Variants in RHBDL3 observed in about 807,000 individuals in gnomAD.
RHBDL3 encodes rhomboid-related protein 3.
In RHBDL3, 28 loss-of-function variants were observed where a neutral mutation model predicts 48.2. The ratio of observed to expected loss-of-function variants is 0.58; its 90% CI spans 0.43 to 0.80. The LOEUF (loss-of-function observed/expected upper bound fraction) is 0.80. RHBDL3 is among the 30% of genes least tolerant of loss of function. The pLI, the probability that RHBDL3 is intolerant of heterozygous loss-of-function variation, is 0.00. For missense variants in RHBDL3, 464 were observed against 542.7 expected, an observed-to-expected ratio of 0.85 and a Z score of 1.44; for synonymous variants, 208 against 232.3, an observed-to-expected ratio of 0.90 and a Z score of 0.95.
intron 7 of RHBDL3, among the ~76,000 whole-genome samples, chr17:32,315,038 T>C (rs2040938225): frequency 1.3e-5 from 2 of 152,254 alleles, no homozygotes. Context: ...GGGCAAGAAC[T>C]GAAGGCTGTG....
At chr17:32,285,451 C>T (rs918460439) in intron 3 of RHBDL3, among the ~76,000 whole-genome samples, 1 of 152,072 alleles carries the variant, frequency 6.6e-6, no homozygotes, top group Non-Finnish European at 1.5e-5. Flanking sequence ...CTCAGCATAT[C>T]TGCTCAGCCG....
chr17:32,284,513 G>A (rs1231826315), intron 2 of RHBDL3, 146 bp from the exon 3 acceptor site: 8 of 676,522 alleles, frequency 1.2e-5, no homozygotes, highest in Non-Finnish European at 2.0e-5. Flanking sequence ...TTCCCAGGGG[G>A]GTCCTTGGAA....
intron 6 of RHBDL3, among the ~76,000 whole-genome samples, chr17:32,301,465 C>G (rs139887542): frequency 6.6e-6 from 1 of 151,070 alleles, no homozygotes; most frequent in Non-Finnish European, 1.5e-5. Context: ...TTACTAACCA[C>G]GTGTGCATCC....
intron 4 of RHBDL3, 81 bp from the exon 5 acceptor site, chr17:32,294,213 G>T: frequency 8.6e-7 from 1 of 1,165,366 alleles, no homozygotes; most frequent in East Asian, 2.5e-5. Context: ...CTTCCTGTAG[G>T]GACTCCCAGT....
chr17:32,311,626 C>T (rs998302481), intron 7 of RHBDL3, among the ~76,000 whole-genome samples: 1 of 152,162 alleles, frequency 6.6e-6, no homozygotes, highest in African/African-American at 2.4e-5. Context: ...ACTGGATCAG[C>T]TTGGCAAGCT....
At chr17:32,283,646 C>A (rs1213960112) in intron 2 of RHBDL3, among the ~76,000 whole-genome samples, 1 of 152,174 alleles carries the variant, frequency 6.6e-6, no homozygotes, top group Non-Finnish European at 1.5e-5. Context: ...TCTAACTGAA[C>A]TGATGAGGCT....
intron 2 of RHBDL3, among the ~76,000 whole-genome samples, chr17:32,272,037 C>T (rs542999250): frequency 6.6e-6 from 1 of 152,198 alleles, no homozygotes; most frequent in Non-Finnish European, 1.5e-5. Context: ...CTCTCTGAGC[C>T]TCAGTTTCTT....
chr17:32,298,557 T>A (rs1353318498), intron 6 of RHBDL3, among the ~76,000 whole-genome samples: 1 of 152,092 alleles, frequency 6.6e-6, no homozygotes, highest in Non-Finnish European at 1.5e-5. Flanking sequence ...ACTAATGAGA[T>A]CTGCCTGTAG....
intron 3 of RHBDL3, among the ~76,000 whole-genome samples, chr17:32,286,899 G>C (rs1222210286): frequency 1.3e-5 from 2 of 152,184 alleles, no homozygotes; most frequent in Non-Finnish European, 2.9e-5. Context: ...AGAAGAAGAG[G>C]CTCCTTTATC....
chr17:32,274,828 A>G (rs998583184), intron 2 of RHBDL3, among the ~76,000 whole-genome samples: 2 of 151,838 alleles, frequency 1.3e-5, no homozygotes, highest in Admixed American at 1.3e-4. Context: ...ATGAGTGTGC[A>G]TGTGTGTGTA....
chr17:32,284,576 A>G lies in RHBDL3; in HGVS notation c.136-83A>G. ...GGGCTGGGGACTAAAGCCAGTGAAT[A>G]GTGGTGGAGATCAGGGCACCCACAT... On this transcript the variant is annotated intron_variant, in intron 2 of 8. Coordinates refer to ENST00000269051, the MANE Select transcript of RHBDL3 (RefSeq NM_138328.3). 4 of 1,346,450 alleles carry G rather than the reference A, an allele frequency of 3.0e-6. No individual in the cohort carries two copies. The South Asian group carries it at 3.8e-5, about 13-fold the overall frequency. The allele number at this position is 1,346,450 out of a possible 1,614,324, so 83.4% of individuals were successfully genotyped here. A position where few individuals can be genotyped will look rare whatever the true frequency, so the allele number is the denominator to read the frequency against.
At chr17:32,310,620 G>A (rs1220181797) in intron 7 of RHBDL3, among the ~76,000 whole-genome samples, 1 of 152,170 alleles carries the variant, frequency 6.6e-6, no homozygotes, top group Admixed American at 6.6e-5. Flanking sequence ...GGCTGAGGCA[G>A]AAGAATCGCT....
intron 2 of RHBDL3, among the ~76,000 whole-genome samples, chr17:32,270,761 G>A (rs1259419686): frequency 2.0e-5 from 3 of 152,168 alleles, no homozygotes; most frequent in Admixed American, 6.5e-5. Flanking sequence ...TATGTTCCAT[G>A]TGTTCATGTC....
intron 7 of RHBDL3, among the ~76,000 whole-genome samples, chr17:32,314,829 C>T (rs1428634011): frequency 3.3e-5 from 5 of 152,230 alleles, no homozygotes; most frequent in African/African-American, 7.2e-5. Flanking sequence ...TTTTCTTCCT[C>T]GTCTCCTGGC....
chr17:32,314,260 A>G (rs1485182413), intron 7 of RHBDL3, among the ~76,000 whole-genome samples: 2 of 152,242 alleles, frequency 1.3e-5, no homozygotes, highest in African/African-American at 4.8e-5. Context: ...GGTGGGCAAG[A>G]AACCAAATAT....
rs1034173305 is a variant in RHBDL3, at chr17:32,323,772, C to T, written c.*2543C>T. On this transcript the variant is annotated 3_prime_UTR_variant, in exon 9 of 9. Transcript: ENST00000269051. ...CCTTAGACCACCAGCCCCAGCTGTT[C>T]TCTGTCAGCACACCCACCTCCATCC... 3.9e-5 allele frequency: 6 copies of T among 152,548 alleles called. No homozygotes were observed. Among genetic ancestry groups the T allele is most frequent in the Non-Finnish European group, 1.5e-5 (1 of 68,298 alleles). The allele number at this position is 152,548 out of a possible 1,614,324, so 9.4% of individuals were successfully genotyped here.
intron 7 of RHBDL3, among the ~76,000 whole-genome samples, chr17:32,312,408 C>T (rs765642609): frequency 6.6e-6 from 1 of 152,032 alleles, no homozygotes; most frequent in Non-Finnish European, 1.5e-5. Flanking sequence ...TCACTCCAGC[C>T]TGGGCAATAG....
rs150922491 is a variant in RHBDL3 at position 32,279,515 on chromosome 17, G to A, written c.136-5144G>A. ...CTGTCCCTCTCCCCAGTGTTGCCAG[G>A]CCCCTCTGACAGCACAGACCCAAAT... On this transcript the variant is annotated intron_variant, in intron 2 of 8. Coordinates refer to ENST00000269051, the MANE Select transcript of RHBDL3 (RefSeq NM_138328.3). 7.9e-3 allele frequency among the ~76,000 whole-genome samples: 1,207 copies of A among 152,232 alleles called. 24 individuals are homozygous for A. Among genetic ancestry groups the A allele is most frequent in the African/African-American group, 0.027 (1,112 of 41,520 alleles).
Position 32,321,573 on chromosome 17 carries a change from AGCAGCTTCTTCCT to A in RHBDL3, c.*345_*357del. On this transcript the variant is annotated 3_prime_UTR_variant, in exon 9 of 9. Transcript: ENST00000269051. ...GCCCCCTCACTGCTGCGGATTGAGCAGCAGCTTCTTCCTCCTCCTCTACCCTCAGAGACCCTAA... is the reference window on the plus strand; with the variant it reads ...GCCCCCTCACTGCTGCGGATTGAGCACCTCCTCTACCCTCAGAGACCCTAA... 6.8e-6 allele frequency: 3 copies of A among 442,216 alleles called. No individual in the cohort carries two copies. Among genetic ancestry groups the A allele is most frequent in the East Asian group, 4.8e-5 (1 of 20,848 alleles). 27.4% of individuals were successfully genotyped at this position (442,216 alleles called of 1,614,324 possible).
Sources: gnomAD v4.1 joint callset for allele counts (sites outside exome capture counted in the v4.1 genomes callset) on GRCh38, gnomAD v4.1.1 for gene constraint, MANE v1.5 for transcripts, NCBI Gene and HGNC (gene_info 2026-07-23, HGNC 2026-07-21) for gene names.